The following RBFOX1 variants were observed in gnomAD, a reference collection of about 807,000 sequenced individuals.
RBFOX1 encodes the protein RNA binding protein fox-1 homolog 1.
Under a neutral mutation model 57.7 loss-of-function variants are expected in RBFOX1, and 8 were observed. That is an observed-to-expected ratio of 0.14 (90% confidence interval 0.08 to 0.25). The LOEUF is 0.25. Among genes scored for constraint, RBFOX1 ranks in the 10% least tolerant of loss-of-function variants. The pLI is 1.00. For missense variants in RBFOX1, 611 were observed against 548.5 expected, an observed-to-expected ratio of 1.11 and a Z score of -1.14; for synonymous variants, 326 against 222.4, an observed-to-expected ratio of 1.47 and a Z score of -4.15.
intron 4 of RBFOX1, among the ~76,000 whole-genome samples, chr16:7,267,805 G>C (rs935646558): frequency 5.3e-5 from 8 of 151,514 alleles, no homozygotes; most frequent in African/African-American, 1.2e-4. Context: ...GCAGTGACCT[G>C]AGATTGTGCC....
chr16:7,490,422 A>C (rs1275767766), intron 4 of RBFOX1, among the ~76,000 whole-genome samples: 1 of 152,194 alleles, frequency 6.6e-6, no homozygotes, highest in African/African-American at 2.4e-5. Flanking sequence ...GGATTGGTCT[A>C]TGATTCTAGT....
At chr16:7,019,280 G>T (rs935890441) in intron 3 of RBFOX1, among the ~76,000 whole-genome samples, 5 of 152,054 alleles carry the variant, frequency 3.3e-5, no homozygotes, top group African/African-American at 9.7e-5. Context: ...AAAACAGGTA[G>T]ATTTGGAAAA....
intron 6 of RBFOX1, among the ~76,000 whole-genome samples, chr16:7,581,675 G>T (rs574728700): frequency 2.0e-5 from 3 of 152,064 alleles, no homozygotes; most frequent in African/African-American, 7.2e-5. Flanking sequence ...CCAAAAAATT[G>T]TACTACCGGT....
chr16:7,210,017 C>G (rs939159314), intron 4 of RBFOX1, among the ~76,000 whole-genome samples: 2 of 152,162 alleles, frequency 1.3e-5, no homozygotes, highest in African/African-American at 4.8e-5. Flanking sequence ...TGATCATTCT[C>G]CAGTGAAAAC....
chr16:7,299,520 A>C (rs759710668), intron 4 of RBFOX1, among the ~76,000 whole-genome samples: 34 of 152,140 alleles, frequency 2.2e-4, no homozygotes, highest in Non-Finnish European at 4.6e-4. Flanking sequence ...ATTGCTGCTG[A>C]ATGGTTGGAA....
intron 4 of RBFOX1, among the ~76,000 whole-genome samples, chr16:5,971,156 C>T (rs2059954082): frequency 6.6e-6 from 1 of 152,222 alleles, no homozygotes; most frequent in Non-Finnish European, 1.5e-5. Context: ...GTGCTAGGCA[C>T]TCTGCTGGCT....
chr16:6,252,461 G>T (rs2097623975), intron 1 of RBFOX1, among the ~76,000 whole-genome samples: 1 of 152,258 alleles, frequency 6.6e-6, no homozygotes, highest in Admixed American at 6.5e-5. Flanking sequence ...GTTTTGCAAT[G>T]ACTATCACTG....
chr16:6,831,723 G>A (rs1368682088), intron 3 of RBFOX1, among the ~76,000 whole-genome samples: 1 of 152,088 alleles, frequency 6.6e-6, no homozygotes, highest in Admixed American at 6.5e-5. Flanking sequence ...TCCATCTCTT[G>A]GGTTTGAGAA....
At chr16:6,515,367 T>G (rs956160360) in intron 2 of RBFOX1, among the ~76,000 whole-genome samples, 2 of 152,220 alleles carry the variant, frequency 1.3e-5, no homozygotes, top group Non-Finnish European at 2.9e-5. Flanking sequence ...CCTTCAGAAG[T>G]TCCCAGTTGA....
chr16:6,842,042 C>T (rs1432921335), intron 3 of RBFOX1, among the ~76,000 whole-genome samples: 1 of 151,622 alleles, frequency 6.6e-6, no homozygotes, highest in African/African-American at 2.4e-5. Flanking sequence ...ACACGGGAGG[C>T]TGAGGGAGGA....
intron 4 of RBFOX1, among the ~76,000 whole-genome samples, chr16:7,122,419 G>C (rs1483744957): frequency 6.6e-6 from 1 of 151,884 alleles, no homozygotes; most frequent in Non-Finnish European, 1.5e-5. Context: ...GAAGAGAAGA[G>C]GATATTCATC....
intron 3 of RBFOX1, among the ~76,000 whole-genome samples, chr16:6,842,379 T>C (rs2093524719): frequency 6.6e-6 from 1 of 152,000 alleles, no homozygotes. Context: ...AGAGAAGAAA[T>C]GTTCTCCTTA....
chr16:6,832,894 G>A (rs1382135403), intron 3 of RBFOX1, among the ~76,000 whole-genome samples: 3 of 152,168 alleles, frequency 2.0e-5, no homozygotes, highest in South Asian at 2.1e-4. Flanking sequence ...ATTGACAGGC[G>A]AACTAGTGTA....
chr16:7,122,691 C>T (rs1197460461), intron 4 of RBFOX1, among the ~76,000 whole-genome samples: 1 of 152,184 alleles, frequency 6.6e-6, no homozygotes, highest in Admixed American at 6.5e-5. Context: ...ATATGCTTAT[C>T]ATAGAGCCTA....
chr16:6,582,984 C>A (rs996104222), intron 2 of RBFOX1, among the ~76,000 whole-genome samples: 1 of 151,448 alleles, frequency 6.6e-6, no homozygotes, highest in Admixed American at 6.6e-5. Context: ...CTGGACCTCC[C>A]TCTTCCTCAC....
intron 3 of RBFOX1, among the ~76,000 whole-genome samples, chr16:5,789,145 A>G (rs1014202658): frequency 3.9e-5 from 6 of 152,188 alleles, no homozygotes; most frequent in African/African-American, 1.4e-4. Flanking sequence ...TGTAAGGAGG[A>G]TTCATCAAAA....
intron 4 of RBFOX1, among the ~76,000 whole-genome samples, chr16:7,402,123 G>T (rs1472988287): frequency 1.3e-5 from 2 of 152,122 alleles, no homozygotes; most frequent in African/African-American, 4.8e-5. Context: ...ATATAGAATG[G>T]ATTTTTGCCA....
At chr16:6,651,779 C>T (rs2098598261) in intron 2 of RBFOX1, among the ~76,000 whole-genome samples, 1 of 152,192 alleles carries the variant, frequency 6.6e-6, no homozygotes, top group East Asian at 1.9e-4. Flanking sequence ...CAGCATCATT[C>T]ACAATAGCCG....
intron 14 of RBFOX1, among the ~76,000 whole-genome samples, chr16:7,694,647 G>A (rs912427798): frequency 6.6e-6 from 1 of 152,172 alleles, no homozygotes; most frequent in African/African-American, 2.4e-5. Flanking sequence ...ATTGTGAGAG[G>A]TGGCGACATC....
Sources: gnomAD v4.1 joint callset for allele counts (sites outside exome capture counted in the v4.1 genomes callset) on GRCh38, gnomAD v4.1.1 for gene constraint, MANE v1.5 for transcripts, NCBI Gene and HGNC (gene_info 2026-07-23, HGNC 2026-07-21) for gene names.